Variants in DMXL1 observed in about 807,000 individuals in gnomAD.
The protein encoded by DMXL1 is dmX-like protein 1.
DMXL1 carries 99 observed loss-of-function variants against 319.2 expected under a neutral mutation model. The ratio of observed to expected loss-of-function variants is 0.31; its 90% CI spans 0.26 to 0.37. DMXL1 has a LOEUF of 0.37. DMXL1 is among the 10% of genes least tolerant of loss of function. The pLI is 1.00. For missense variants in DMXL1, 3,745 were observed against 3,595.6 expected, an observed-to-expected ratio of 1.04 and a Z score of -1.06; for synonymous variants, 1,385 against 1,235.2, an observed-to-expected ratio of 1.12 and a Z score of -2.54.
At chr5:119,214,123 C>T (rs1022986494) in intron 34 of DMXL1, among the ~76,000 whole-genome samples, 2 of 152,074 alleles carry the variant, frequency 1.3e-5, no homozygotes, top group African/African-American at 4.8e-5. Flanking sequence ...ACTAATTTCC[C>T]GAACTCCAGA....
intron 3 of DMXL1, among the ~76,000 whole-genome samples, chr5:119,103,952 A>C (rs891586499): frequency 1.3e-5 from 2 of 152,244 alleles, no homozygotes; most frequent in Admixed American, 1.3e-4. Context: ...TTGGCTTATC[A>C]GCACTGACTT....
chr5:119,077,754 AGTGTGTGTGTGT>A (rs59365686), intron 1 of DMXL1, among the ~76,000 whole-genome samples: 7 of 125,414 alleles, frequency 5.6e-5, no homozygotes, highest in South Asian at 2.6e-4. Flanking sequence ...TTATTTTTTA[AGTGTGTGTGTGT>A]GTGTGTGTGT....
At chr5:119,147,020 T>C (rs894296958) in intron 16 of DMXL1, 64 bp downstream of exon 16, 50 of 1,563,336 alleles carry the variant, frequency 3.2e-5, no homozygotes, top group Middle Eastern at 3.4e-4. Flanking sequence ...TTACACAAAA[T>C]TAGATAATTT....
chr5:119,097,035 T>G (rs184101014), intron 1 of DMXL1, among the ~76,000 whole-genome samples: 23 of 152,230 alleles, frequency 1.5e-4, no homozygotes, highest in Non-Finnish European at 2.8e-4. Context: ...ATGGGAGAGA[T>G]AGTGGTTGGG....
chr5:119,106,406 A>G (rs1427929548), intron 4 of DMXL1, among the ~76,000 whole-genome samples: 1 of 152,154 alleles, frequency 6.6e-6, no homozygotes, highest in African/African-American at 2.4e-5. Context: ...AGAGAGACAT[A>G]ATTTATTGGG....
At chr5:119,088,324 C>G (rs974421121) in intron 1 of DMXL1, among the ~76,000 whole-genome samples, 1 of 152,086 alleles carries the variant, frequency 6.6e-6, no homozygotes. Context: ...CCTTTACTTT[C>G]AGTCTGTGTA....
chr5:119,112,372 G>C (rs1050621183), intron 5 of DMXL1, among the ~76,000 whole-genome samples: 2 of 152,168 alleles, frequency 1.3e-5, no homozygotes, highest in African/African-American at 2.4e-5. Context: ...ACAAATATTT[G>C]TTGAATGGTT....
chr5:119,226,468 C>T (rs951682486), intron 38 of DMXL1, among the ~76,000 whole-genome samples: 1 of 152,118 alleles, frequency 6.6e-6, no homozygotes, highest in African/African-American at 2.4e-5. Context: ...TAGCCTAGTA[C>T]ATTTTATAAT....
At chr5:119,214,576 T>C (rs1783356970) in intron 34 of DMXL1, among the ~76,000 whole-genome samples, 1 of 152,116 alleles carries the variant, frequency 6.6e-6, no homozygotes, top group Non-Finnish European at 1.5e-5. Flanking sequence ...TTATGGTCAT[T>C]CACAAATTTA....
In DMXL1 at chr5:119,157,344, A is replaced by T. The variant is rs182762984; in HGVS notation, c.4702+5308A>T. Among the ~76,000 whole-genome samples, 18 of 152,040 alleles carry T rather than the reference A, an allele frequency of 1.2e-4. 1 individual carries two copies. Among genetic ancestry groups the T allele is most frequent in the Admixed American group, 7.2e-4 (11 of 15,272 alleles). The stretch of plus-strand genomic sequence containing the variant: ...CAGTTTGATGTCATCCCATTTGTTC[A>T]TTTTTGCTTTTGTTGCCCGTCCCTT... On this transcript the variant is annotated intron_variant, in intron 19 of 43. Transcript: ENST00000539542.
chr5:119,128,171 GT>G, intron 9 of DMXL1: 1 of 484,256 alleles, frequency 2.1e-6, no homozygotes, highest in Non-Finnish European at 4.1e-6. Context: ...ACTTTGCATA[GT>G]TCCACCTGCA....
intron 34 of DMXL1, among the ~76,000 whole-genome samples, chr5:119,214,152 T>C (rs1359643616): frequency 1.3e-5 from 2 of 152,178 alleles, no homozygotes; most frequent in Non-Finnish European, 1.5e-5. Context: ...GCTCCGAACC[T>C]ACTCCCTACT....
At chr5:119,175,209 A>G in intron 25 of DMXL1, 52 bp from the exon 26 acceptor site, 1 of 1,436,274 alleles carries the variant, frequency 7.0e-7, no homozygotes, top group Non-Finnish European at 9.5e-7. Flanking sequence ...TTGAAAAAAA[A>G]TCTGCACTTT....
intron 10 of DMXL1, chr5:119,132,931 A>G: frequency 8.2e-6 from 5 of 613,046 alleles, no homozygotes; most frequent in Middle Eastern, 4.0e-4. Flanking sequence ...CATTACATTT[A>G]CTGGTTTACT....
chr5:119,133,403 G>A lies in DMXL1; in HGVS notation c.1569+18G>A. 3.1e-6 allele frequency: 5 copies of A among 1,601,942 alleles called. No individual in the cohort carries two copies. Among genetic ancestry groups the A allele is most frequent in the Non-Finnish European group, 3.4e-6 (4 of 1,172,846 alleles). Reference sequence around the variant, plus strand: ...AAGTACAGGTACTACTGTTATTTCTGGAGAGCTACTTCCTTGTTTATGTGG... The same window carrying A: ...AAGTACAGGTACTACTGTTATTTCTAGAGAGCTACTTCCTTGTTTATGTGG... On this transcript the variant is annotated intron_variant, in intron 11 of 43. Transcript: ENST00000539542.
At chr5:119,164,117 T>C (rs1772902619) in intron 19 of DMXL1, among the ~76,000 whole-genome samples, 1 of 151,714 alleles carries the variant, frequency 6.6e-6, no homozygotes, top group Non-Finnish European at 1.5e-5. Flanking sequence ...TTTTTACTAA[T>C]TCCATGGAAT....
At chr5:119,224,379 C>T (rs1461666162) in intron 37 of DMXL1, among the ~76,000 whole-genome samples, 1 of 151,920 alleles carries the variant, frequency 6.6e-6, no homozygotes, top group African/African-American at 2.4e-5. Flanking sequence ...TTTTCACATG[C>T]TCCTGTCTTT....
At position 119,133,242 on chromosome 5, in the gene DMXL1, G is replaced by T; in HGVS notation, c.1426G>T (p.Asp476Tyr). Residue 476 changes from aspartate to tyrosine, a missense_variant, in exon 11 of 44, where the codon GAT becomes TAT. Transcript: ENST00000539542. The part of the protein sequence containing the change: ...SFTSLSSAAI[D>Y]HQIEVLLSEW... ...TACATCATTATCGTCAGCTGCCATT[G>T]ATCATCAGATTGAAGTACTTCTGTC... The T allele has an allele frequency of 6.2e-7, 1 of 1,614,150 alleles. No individual in the cohort carries two copies. The highest frequency in any genetic ancestry group is 8.5e-7 in the Non-Finnish European group (1 of 1,180,020).
chr5:119,208,685 A>G (rs1165925482), intron 34 of DMXL1, among the ~76,000 whole-genome samples: 1 of 152,146 alleles, frequency 6.6e-6, no homozygotes, highest in African/African-American at 2.4e-5. Flanking sequence ...ACTGCTATAT[A>G]GTTTAAAAAA....
Sources: allele counts gnomAD v4.1 joint callset (sites outside exome capture counted in the v4.1 genomes callset), GRCh38; gene constraint gnomAD v4.1.1; transcripts MANE v1.5; gene names NCBI Gene and HGNC (gene_info 2026-07-23, HGNC 2026-07-21).